Variants in GRIA2 observed in about 807,000 individuals in gnomAD.
The protein encoded by GRIA2 is glutamate receptor 2.
Under a neutral mutation model 97.3 loss-of-function variants are expected in GRIA2, and 14 were observed. The observed-to-expected ratio is 0.14, with a 90% confidence interval of 0.10 to 0.23. The LOEUF is 0.23. Among genes scored for constraint, GRIA2 ranks in the 10% least tolerant of loss-of-function variants. The probability of loss-of-function intolerance (pLI) is 1.00; values close to 1 mark genes in which losing one functional copy is unlikely to be tolerated. For synonymous variants in GRIA2, 412 were observed against 387.8 expected, an observed-to-expected ratio of 1.06 and a Z score of -0.73; for missense variants, 558 against 1,069.8, an observed-to-expected ratio of 0.52 and a Z score of 6.67.
chr4:157,312,127 G>GA lies in GRIA2; in HGVS notation c.470-543dup, dbSNP rs562885065. On this transcript the variant is annotated intron_variant, in intron 3 of 15. Coordinates refer to ENST00000264426, the MANE Select transcript of GRIA2 (RefSeq NM_001083619.3). ...ATAACATAACAGAAGACTGTGGAAG[G>GA]AAAAAAAAATGAACCCAAACTGCTG... Among the ~76,000 whole-genome samples the GA allele has an allele frequency of 4.7e-5, 7 of 149,588 alleles. No individual in the cohort carries two copies. The East Asian group carries it at 5.8e-4, about 12-fold the overall frequency.
chr4:157,232,642 G>A (rs1042552178), intron 2 of GRIA2, among the ~76,000 whole-genome samples: 4 of 152,092 alleles, frequency 2.6e-5, no homozygotes, highest in Non-Finnish European at 5.9e-5. Flanking sequence ...ACAAGGAAGC[G>A]CTGTATATAG....
intron 3 of GRIA2, among the ~76,000 whole-genome samples, chr4:157,312,293 T>A (rs549198906): frequency 6.6e-6 from 1 of 152,238 alleles, no homozygotes; most frequent in East Asian, 1.9e-4. Flanking sequence ...CTATCATGTA[T>A]GACTAAACAA....
chr4:157,230,611 A>G (rs1400779662), intron 2 of GRIA2, among the ~76,000 whole-genome samples: 2 of 121,340 alleles, frequency 1.6e-5, no homozygotes, highest in Non-Finnish European at 3.3e-5. Flanking sequence ...CCTTCCCTCC[A>G]TCCATCCCTT....
chr4:157,244,834 G>C (rs1385663672), intron 2 of GRIA2, among the ~76,000 whole-genome samples: 1 of 151,862 alleles, frequency 6.6e-6, no homozygotes, highest in Non-Finnish European at 1.5e-5. Context: ...GGCTCCTCAG[G>C]CTGAATCAGA....
At chr4:157,231,984 G>A (rs1579290283) in intron 2 of GRIA2, among the ~76,000 whole-genome samples, 1 of 152,004 alleles carries the variant, frequency 6.6e-6, no homozygotes, top group South Asian at 2.1e-4. Flanking sequence ...TGTCATTGAG[G>A]CTAACTATTC....
intron 2 of GRIA2, among the ~76,000 whole-genome samples, chr4:157,257,690 T>A (rs1731340389): frequency 6.6e-6 from 1 of 152,184 alleles, no homozygotes; most frequent in Middle Eastern, 3.4e-3. Context: ...GGCAACCAAC[T>A]AAATTTTCTA....
Position 157,352,850 on chromosome 4 carries a change from T to A in GRIA2, c.2044-7046T>A, listed in dbSNP as rs573287173. Among the ~76,000 whole-genome samples the A allele has an allele frequency of 3.3e-5, 5 of 151,784 alleles. No individual in the cohort carries two copies. The East Asian group carries it at 9.7e-4, about 29-fold the overall frequency. On this transcript the variant is annotated intron_variant, in intron 12 of 15. Transcript: ENST00000264426. ...GGTGGATCAACTGAGGTCAGGAATT[T>A]GAATTTGAGACCAGCCTGACCAGCA...
At chr4:157,348,795 T>C (rs1281959459) in intron 12 of GRIA2, among the ~76,000 whole-genome samples, 1 of 152,186 alleles carries the variant, frequency 6.6e-6, no homozygotes, top group East Asian at 1.9e-4. Flanking sequence ...ATTAGAGGCT[T>C]ATATGAATAT....
At chr4:157,292,903 T>A (rs1733171038) in intron 2 of GRIA2, among the ~76,000 whole-genome samples, 2 of 152,152 alleles carry the variant, frequency 1.3e-5, no homozygotes, top group African/African-American at 2.4e-5. Flanking sequence ...TTAGGACCCA[T>A]GTGGCTTTAC....
chr4:157,252,068 C>CA (rs1472791312), intron 2 of GRIA2, among the ~76,000 whole-genome samples: 5 of 152,210 alleles, frequency 3.3e-5, no homozygotes, highest in East Asian at 1.9e-4. Context: ...CACACACTCA[C>CA]AAAAAATCCC....
At chr4:157,286,062 T>G (rs1732831254) in intron 2 of GRIA2, among the ~76,000 whole-genome samples, 2 of 151,576 alleles carry the variant, frequency 1.3e-5, no homozygotes, top group Non-Finnish European at 3.0e-5. Flanking sequence ...TATATTAAAC[T>G]GTTTCTATGT....
At position 157,221,743 on chromosome 4, in the gene GRIA2, G is replaced by A. The variant is rs756783598; in HGVS notation, c.165G>A (p.Glu55=). The part of the protein sequence containing the change: ...RVGMVQFSTS[E]FRLTPHIDNL... ...GGATGGTTCAGTTTTCCACTTCGGAGTTCAGACTGACACCCCACATCGACA... is the reference window on the plus strand; with the variant it reads ...GGATGGTTCAGTTTTCCACTTCGGAATTCAGACTGACACCCCACATCGACA... Residue 55 remains glutamate (E), a synonymous_variant, in exon 2 of 16, where the codon GAG becomes GAA. Transcript: ENST00000264426. The A allele has an allele frequency of 1.2e-6, 2 of 1,614,008 alleles. No individual in the cohort carries two copies. Among genetic ancestry groups the A allele is most frequent in the East Asian group, 4.5e-5 (2 of 44,868 alleles).
chr4:157,304,929 T>A (rs1487010776), intron 3 of GRIA2, among the ~76,000 whole-genome samples: 1 of 151,990 alleles, frequency 6.6e-6, no homozygotes, highest in African/African-American at 2.4e-5. Flanking sequence ...GAACACTCAG[T>A]GGAAAAGCCA....
intron 2 of GRIA2, among the ~76,000 whole-genome samples, chr4:157,280,799 G>C (rs1732558148): frequency 1.3e-5 from 2 of 151,938 alleles, no homozygotes; most frequent in Admixed American, 1.3e-4. Context: ...GTCGTAACTT[G>C]AATCAAGGAG....
chr4:157,356,562 A>T (rs372543912), intron 12 of GRIA2, among the ~76,000 whole-genome samples: 1 of 152,106 alleles, frequency 6.6e-6, no homozygotes, highest in Admixed American at 6.6e-5. Context: ...CAAAGTCCAC[A>T]CAAAGGGGCT....
At chr4:157,319,497 G>GT (rs1471087156) in intron 5 of GRIA2, among the ~76,000 whole-genome samples, 1 of 152,140 alleles carries the variant, frequency 6.6e-6, no homozygotes, top group Non-Finnish European at 1.5e-5. Context: ...TTCAAGTCTT[G>GT]TTTTTCTTTT....
At position 157,335,662 on chromosome 4, in the gene GRIA2, T is replaced by G. The variant is rs1443468238; in HGVS notation, c.1267-9T>G. The G allele has an allele frequency of 2.6e-6, 4 of 1,550,868 alleles. No homozygotes were observed. The highest frequency in any genetic ancestry group is 3.6e-6 in the Non-Finnish European group (4 of 1,122,892). Reference sequence around the variant, plus strand: ...TTTTAATCAGCTAAAGCAAAGTCTTTTCATATAGGAATCTCCGTATGTTAT... The same window carrying G: ...TTTTAATCAGCTAAAGCAAAGTCTTGTCATATAGGAATCTCCGTATGTTAT... On this transcript the variant is annotated splice_polypyrimidine_tract_variant and intron_variant, in intron 9 of 15. Transcript: ENST00000264426.
chr4:157,251,775 G>T (rs1388928605), intron 2 of GRIA2, among the ~76,000 whole-genome samples: 3 of 152,078 alleles, frequency 2.0e-5, no homozygotes, highest in African/African-American at 7.2e-5. Flanking sequence ...TGCAGGGATG[G>T]AAATTCAGTA....
chr4:157,263,857 C>T (rs935568708), intron 2 of GRIA2, among the ~76,000 whole-genome samples: 1 of 151,998 alleles, frequency 6.6e-6, no homozygotes. Flanking sequence ...TTTCTGGTGG[C>T]GATTTACACT....
Sources: gnomAD v4.1 joint callset for allele counts (sites outside exome capture counted in the v4.1 genomes callset) on GRCh38, gnomAD v4.1.1 for gene constraint, MANE v1.5 for transcripts, NCBI Gene and HGNC (gene_info 2026-07-23, HGNC 2026-07-21) for gene names.